TEAD1: variants seen among roughly 807,000 people sequenced by gnomAD.
TEAD1 encodes the protein transcriptional enhancer factor TEF-1.
Under a neutral mutation model 54.9 loss-of-function variants are expected in TEAD1, and 9 were observed. The ratio of observed to expected loss-of-function variants is 0.16; its 90% confidence interval spans 0.10 to 0.29. The LOEUF (loss-of-function observed/expected upper bound fraction) is 0.29, where lower values mean the gene tolerates loss of function less well. Among genes scored for constraint, TEAD1 ranks in the 10% least tolerant of loss-of-function variants. The probability of loss-of-function intolerance (pLI) is 1.00; values close to 1 mark genes in which losing one functional copy is unlikely to be tolerated. For missense variants in TEAD1, 387 were observed against 535.9 expected (o/e 0.72, Z 2.74); for synonymous variants, 200 against 187.8 (o/e 1.07, Z -0.53).
chr11:12,870,721 A>G (rs1263452852), intron 5 of TEAD1, among the ~76,000 whole-genome samples: 2 of 152,136 alleles, frequency 1.3e-5, no homozygotes, highest in Non-Finnish European at 2.9e-5. Flanking sequence ...CCCCGTCTCT[A>G]CTAAAATACA....
rs752862372 is a variant in TEAD1, at chr11:12,879,839, G to A, written c.462G>A (p.Pro154=). ...CACGCCCGACCTTCCCAGGGGCGCC[G>A]GGGGTAAGTCATGAGCTCAGTCCAG... Residue 154 remains proline (P), a synonymous_variant, in exon 6 of 13, where the codon CCG becomes CCA. Transcript: ENST00000527636. 156 of 1,613,102 alleles carry A rather than the reference G, an allele frequency of 9.7e-5. No individual in the cohort carries two copies. The highest frequency in any genetic ancestry group is 1.3e-4 in the Non-Finnish European group (148 of 1,180,028).
chr11:12,853,583 CTTCA>C (rs1947316204), intron 3 of TEAD1, among the ~76,000 whole-genome samples: 1 of 152,086 alleles, frequency 6.6e-6, no homozygotes, highest in African/African-American at 2.4e-5. Context: ...ACTAAGAAAA[CTTCA>C]TTCATATTTC....
intron 3 of TEAD1, among the ~76,000 whole-genome samples, chr11:12,831,098 C>T (rs561118331): frequency 1.3e-5 from 2 of 152,280 alleles, no homozygotes; most frequent in Admixed American, 1.3e-4. Context: ...AGACGAAGCT[C>T]TCTCTGCCTG....
intron 9 of TEAD1, among the ~76,000 whole-genome samples, chr11:12,896,374 T>A (rs1948316168): frequency 6.6e-6 from 1 of 152,218 alleles, no homozygotes; most frequent in African/African-American, 2.4e-5. Context: ...CCCCATCTCT[T>A]TTTAAAACGT....
In TEAD1 at chr11:12,776,629, G is replaced by T. The variant is rs374349022; in HGVS notation, c.202+12195G>T. Among the ~76,000 whole-genome samples, 46 of 151,898 alleles carry T rather than the reference G, an allele frequency of 3.0e-4. 1 individual carries two copies. The East Asian group carries it at 7.5e-3, about 25-fold the overall frequency. On this transcript the variant is annotated intron_variant, in intron 3 of 12. Coordinates refer to ENST00000527636, the MANE Select transcript of TEAD1 (RefSeq NM_021961.6). ...ATAAACTTGCAATCCGAATGTGTTTGATCGGCTTGATAGTGACCTGCTATG... is the reference window on the plus strand; with the variant it reads ...ATAAACTTGCAATCCGAATGTGTTTTATCGGCTTGATAGTGACCTGCTATG...
At chr11:12,770,036 G>T (rs1164961730) in intron 3 of TEAD1, among the ~76,000 whole-genome samples, 1 of 152,202 alleles carries the variant, frequency 6.6e-6, no homozygotes, top group Non-Finnish European at 1.5e-5. Context: ...TGAGAAAGAA[G>T]AAGCCCTATT....
At chr11:12,759,729 G>C (rs752262126) in intron 2 of TEAD1, among the ~76,000 whole-genome samples, 10 of 152,140 alleles carry the variant, frequency 6.6e-5, no homozygotes, top group Non-Finnish European at 1.2e-4. Context: ...GAGCGTGGTG[G>C]TGAATGCCTG....
At chr11:12,744,992 G>A (rs7931267) in intron 2 of TEAD1, among the ~76,000 whole-genome samples, 1 of 152,110 alleles carries the variant, frequency 6.6e-6, no homozygotes, top group Non-Finnish European at 1.5e-5. Flanking sequence ...TAACCTTGTC[G>A]GAAGGTTACC....
intron 3 of TEAD1, among the ~76,000 whole-genome samples, chr11:12,780,865 T>C (rs1017860193): frequency 2.0e-5 from 3 of 152,136 alleles, no homozygotes; most frequent in African/African-American, 7.2e-5. Flanking sequence ...AAAATTTATA[T>C]GGAAATTCAA....
chr11:12,695,605 A>G (rs928073713), intron 2 of TEAD1, among the ~76,000 whole-genome samples: 4 of 152,188 alleles, frequency 2.6e-5, no homozygotes, highest in African/African-American at 4.8e-5. Context: ...AGATTATCCT[A>G]TTAGCAACCA....
intron 2 of TEAD1, among the ~76,000 whole-genome samples, chr11:12,701,031 A>G (rs914569541): frequency 4.6e-5 from 7 of 152,192 alleles, no homozygotes; most frequent in Admixed American, 3.9e-4. Flanking sequence ...GAGCAAAGCC[A>G]TAGCAGACCC....
At chr11:12,794,239 C>T (rs1945866866) in intron 3 of TEAD1, among the ~76,000 whole-genome samples, 1 of 152,184 alleles carries the variant, frequency 6.6e-6, no homozygotes, top group Admixed American at 6.5e-5. Flanking sequence ...GCACCCAGTA[C>T]ATGTTCATTA....
At chr11:12,850,467 C>G (rs150955585) in intron 3 of TEAD1, among the ~76,000 whole-genome samples, 2 of 152,260 alleles carry the variant, frequency 1.3e-5, no homozygotes, top group East Asian at 3.9e-4. Context: ...TTTAGAGCCC[C>G]AGAAGGTGCC....
At chr11:12,691,778 A>G (rs1453548368) in intron 2 of TEAD1, among the ~76,000 whole-genome samples, 2 of 152,144 alleles carry the variant, frequency 1.3e-5, no homozygotes, top group Non-Finnish European at 2.9e-5. Context: ...CCAGGACATG[A>G]GAGATTCCTT....
intron 9 of TEAD1, among the ~76,000 whole-genome samples, chr11:12,884,910 T>C (rs560368162): frequency 1.3e-5 from 2 of 152,322 alleles, no homozygotes; most frequent in Non-Finnish European, 2.9e-5. Context: ...GAAGCATACA[T>C]AGTTCTTTGG....
At chr11:12,726,690 A>G (rs1023054926) in intron 2 of TEAD1, among the ~76,000 whole-genome samples, 2 of 152,098 alleles carry the variant, frequency 1.3e-5, no homozygotes, top group East Asian at 1.9e-4. Context: ...CCTCATCTCT[A>G]CAAAAAATAC....
chr11:12,787,514 T>C (rs1945703450), intron 3 of TEAD1, among the ~76,000 whole-genome samples: 6 of 152,152 alleles, frequency 3.9e-5, no homozygotes, highest in Admixed American at 3.9e-4. Flanking sequence ...CATTTTTTGA[T>C]TGGTGTTGAA....
intron 10 of TEAD1, among the ~76,000 whole-genome samples, chr11:12,912,119 C>G (rs1181253430): frequency 6.6e-6 from 1 of 152,076 alleles, no homozygotes. Context: ...GAAAAGGAGA[C>G]CTCAAGAGAC....
chr11:12,894,121 G>A (rs1564980725), intron 9 of TEAD1, among the ~76,000 whole-genome samples: 1 of 152,174 alleles, frequency 6.6e-6, no homozygotes, highest in East Asian at 1.9e-4. Context: ...TGAGTTATTT[G>A]TCTTGATTTC....
Sources: allele counts gnomAD v4.1 joint callset (sites outside exome capture counted in the v4.1 genomes callset), GRCh38; gene constraint gnomAD v4.1.1; transcripts MANE v1.5; gene names NCBI Gene and HGNC (gene_info 2026-07-23, HGNC 2026-07-21).